Variants in HOOK1 observed in about 807,000 individuals in gnomAD.
HOOK1 encodes hook microtubule tethering protein 1, also known as protein Hook homolog 1.
In HOOK1, 60 loss-of-function variants were observed where a neutral mutation model predicts 112.8. That is an observed-to-expected ratio of 0.53 (90% confidence interval 0.43 to 0.66). HOOK1 has a LOEUF of 0.66. HOOK1 is among the 30% of genes least tolerant of loss of function. The pLI is 0.00. For missense variants in HOOK1, 770 were observed against 856.0 expected (o/e 0.90, Z 1.25); for synonymous variants, 294 against 283.8 (o/e 1.04, Z -0.36).
intron 12 of HOOK1, among the ~76,000 whole-genome samples, chr1:59,851,188 A>G (rs570069991): frequency 5.7e-4 from 87 of 151,648 alleles, no homozygotes; most frequent in African/African-American, 1.9e-3. Context: ...GAATCTTGAA[A>G]TCAGCTTGTC....
rs1420400313 is a variant in HOOK1 at position 59,858,390 on chromosome 1, G to C, written c.1243-38G>C. The C allele has an allele frequency of 2.5e-6, 3 of 1,215,462 alleles. No individual in the cohort carries two copies. In the African/African-American group the frequency reaches 4.4e-5, roughly 18 times the overall value. 75.3% of individuals were successfully genotyped at this position (1,215,462 alleles called of 1,614,324 possible). On this transcript the variant is annotated intron_variant, in intron 12 of 21. Coordinates refer to ENST00000371208, the MANE Select transcript of HOOK1 (RefSeq NM_015888.6). ...GCATAAAGTACATTGTTTATAGGCAGAATTAAATACTTTGCTGATATCAAC... is the reference window on the plus strand; with the variant it reads ...GCATAAAGTACATTGTTTATAGGCACAATTAAATACTTTGCTGATATCAAC...
At chr1:59,826,096 T>C (rs2098389711) in intron 2 of HOOK1, among the ~76,000 whole-genome samples, 2 of 152,204 alleles carry the variant, frequency 1.3e-5, no homozygotes, top group South Asian at 4.1e-4. Context: ...TATTTCTTAC[T>C]ACCTGAATTC....
chr1:59,854,110 G>GAC (rs1484895801), intron 12 of HOOK1, among the ~76,000 whole-genome samples: 2 of 125,248 alleles, frequency 1.6e-5, no homozygotes, highest in Non-Finnish European at 3.2e-5. Context: ...GGAGTGCAGT[G>GAC]ACACGATTTT....
intron 11 of HOOK1, 71 bp downstream of exon 11, chr1:59,848,587 A>C (rs573746348): frequency 2.2e-5 from 22 of 1,007,702 alleles, no homozygotes; most frequent in Non-Finnish European, 3.0e-5. Flanking sequence ...TTGATGTCTT[A>C]AGAATGGTAA....
chr1:59,842,640 T>C (rs1235121371), intron 8 of HOOK1, among the ~76,000 whole-genome samples: 1 of 152,146 alleles, frequency 6.6e-6, no homozygotes, highest in Non-Finnish European at 1.5e-5. Context: ...AGCAAACTTA[T>C]TCAGTAATAC....
In HOOK1 at chr1:59,874,360, A is replaced by T. The variant is rs1644103269; in HGVS notation, c.*1395A>T. 1 of 152,204 alleles carries T rather than the reference A, an allele frequency of 6.6e-6. No individual in the cohort carries two copies. Among genetic ancestry groups the T allele is most frequent in the East Asian group, 1.9e-4 (1 of 5,190 alleles). 9.4% of individuals were successfully genotyped at this position (152,204 alleles called of 1,614,324 possible). A position where few individuals can be genotyped will look rare whatever the true frequency, so the allele number is the denominator to read the frequency against. Reference sequence around the variant, plus strand: ...AAGAAAAATGTTAGGACTATTTCAGATATAAAAAGGAACTGAATTGTGACA... The same window carrying T: ...AAGAAAAATGTTAGGACTATTTCAGTTATAAAAAGGAACTGAATTGTGACA... On this transcript the variant is annotated 3_prime_UTR_variant, in exon 22 of 22. Coordinates refer to ENST00000371208, the MANE Select transcript of HOOK1 (RefSeq NM_015888.6).
chr1:59,864,697 T>G, intron 17 of HOOK1, 31 bp downstream of exon 17: 1 of 1,367,448 alleles, frequency 7.3e-7, no homozygotes. Flanking sequence ...TTTTCAAATA[T>G]GAGAAGGGAG....
At chr1:59,834,557 T>C (rs1459283932) in intron 5 of HOOK1, among the ~76,000 whole-genome samples, 1 of 152,144 alleles carries the variant, frequency 6.6e-6, no homozygotes, top group Non-Finnish European at 1.5e-5. Flanking sequence ...ATATTGGGTT[T>C]TTCATAAAAG....
intron 19 of HOOK1, among the ~76,000 whole-genome samples, chr1:59,867,776 T>G (rs1643993475): frequency 6.6e-6 from 1 of 152,174 alleles, no homozygotes; most frequent in Non-Finnish European, 1.5e-5. Context: ...ATATATTGAA[T>G]TACACTTGAC....
intron 12 of HOOK1, among the ~76,000 whole-genome samples, 162 bp from the exon 13 acceptor site, chr1:59,858,266 A>T (rs1296800526): frequency 6.6e-6 from 1 of 152,232 alleles, no homozygotes. Flanking sequence ...AAAGACACAT[A>T]CTATTTATGT....
At position 59,852,397 on chromosome 1, in the gene HOOK1, CAATTT is replaced by C. The variant is rs558626773; in HGVS notation, c.1242+3221_1242+3225del. Reference sequence around the variant, plus strand: ...AGTTTGTTTCTTTCTAGAGATTTGTCAATTTAATTTATCTAATTTATGGGCATACA... The same window carrying C: ...AGTTTGTTTCTTTCTAGAGATTTGTCAATTTATCTAATTTATGGGCATACA... On this transcript the variant is annotated intron_variant, in intron 12 of 21. Transcript: ENST00000371208. Among the ~76,000 whole-genome samples, 618 of 151,750 alleles carry C rather than the reference CAATTT, an allele frequency of 4.1e-3. 2 individuals are homozygous for C. The highest frequency in any genetic ancestry group is 0.014 in the African/African-American group (573 of 41,494).
intron 1 of HOOK1, chr1:59,815,408 A>C: frequency 1.7e-6 from 1 of 574,896 alleles, no homozygotes; most frequent in East Asian, 3.0e-5. Flanking sequence ...CTGGGAGCGT[A>C]ACAGTGGAGG....
intron 12 of HOOK1, 100 bp downstream of exon 12, chr1:59,849,283 CTT>C: frequency 1.6e-6 from 1 of 621,886 alleles, no homozygotes; most frequent in Admixed American, 3.6e-5. Context: ...CCAGTTCTCT[CTT>C]CCTCCAGATT....
intron 19 of HOOK1, 86 bp from the exon 20 acceptor site, chr1:59,868,164 T>C: frequency 2.8e-6 from 2 of 718,842 alleles, no homozygotes; most frequent in Non-Finnish European, 4.7e-6. Flanking sequence ...TTTTCCACCT[T>C]ACTTACACAG....
intron 9 of HOOK1, 68 bp downstream of exon 9, chr1:59,843,666 A>G: frequency 8.2e-7 from 1 of 1,215,048 alleles, no homozygotes; most frequent in Non-Finnish European, 1.2e-6. Context: ...AAGTCACAGT[A>G]TTAACAGCTA....
chr1:59,830,560 T>G lies in HOOK1; in HGVS notation c.223-1603T>G, dbSNP rs757762805. 1.1e-4 allele frequency among the ~76,000 whole-genome samples: 16 copies of G among 152,162 alleles called. 1 individual carries two copies. The highest frequency in any genetic ancestry group is 4.4e-5 in the Non-Finnish European group (3 of 67,998). On this transcript the variant is annotated intron_variant, in intron 3 of 21. Coordinates refer to ENST00000371208, the MANE Select transcript of HOOK1 (RefSeq NM_015888.6). ...ATTAGTATTTCTTTTTCCATTCTTT[T>G]AATCTGCCTATGTCTTTTTATTGAA...
intron 12 of HOOK1, 56 bp from the exon 13 acceptor site, chr1:59,858,372 G>A (rs2098411771): frequency 9.5e-7 from 1 of 1,047,294 alleles, no homozygotes; most frequent in Middle Eastern, 2.2e-4. Flanking sequence ...TAAGCATAAA[G>A]TACATTGTTT....
rs1457427214 is a variant in HOOK1 at position 59,875,779 on chromosome 1, G to A, written c.*2814G>A. The stretch of plus-strand genomic sequence containing the variant: ...ATGTTGAGATTAACTTATGTATTGA[G>A]GAAAATTTGAAGTTTATTTTTTCGA... On this transcript the variant is annotated 3_prime_UTR_variant, in exon 22 of 22. Transcript: ENST00000371208. 1.3e-5 allele frequency: 2 copies of A among 152,138 alleles called. No homozygotes were observed. Among genetic ancestry groups the A allele is most frequent in the African/African-American group, 4.8e-5 (2 of 41,442 alleles). The allele number at this position is 152,138 out of a possible 1,614,324, so 9.4% of individuals were successfully genotyped here.
At chr1:59,859,127 A>C (rs571036134) in intron 14 of HOOK1, 82 bp downstream of exon 14, 128 of 517,706 alleles carry the variant, frequency 2.5e-4, no homozygotes, top group Admixed American at 4.8e-4. Context: ...GCCTTTAAAA[A>C]CTTATTTTAT....
Sources: allele counts gnomAD v4.1 joint callset (sites outside exome capture counted in the v4.1 genomes callset), GRCh38; gene constraint gnomAD v4.1.1; transcripts MANE v1.5; gene names NCBI Gene and HGNC (gene_info 2026-07-23, HGNC 2026-07-21).